The following DNAH14 variants were observed in gnomAD, a reference collection of about 807,000 sequenced individuals.
DNAH14 encodes the protein axonemal beta dynein heavy chain 14.
Under a neutral mutation model 520.9 loss-of-function variants are expected in DNAH14, and 478 were observed. The ratio of observed to expected loss-of-function variants is 0.92; its 90% CI spans 0.85 to 0.99. DNAH14 has a LOEUF of 0.99. Ranked by LOEUF, DNAH14 falls within the 50% of genes least tolerant of loss-of-function variation. The pLI, the probability that DNAH14 is intolerant of heterozygous loss-of-function variation, is 0.00. For synonymous variants in DNAH14, 1,581 were observed against 1,757.2 expected, an observed-to-expected ratio of 0.90 and a Z score of 2.51; for missense variants, 4,831 against 5,234.5, an observed-to-expected ratio of 0.92 and a Z score of 2.38.
chr1:225,191,359 A>G (rs1559238971), intron 37 of DNAH14, among the ~76,000 whole-genome samples: 1 of 151,936 alleles, frequency 6.6e-6, no homozygotes, highest in Admixed American at 6.6e-5. Flanking sequence ...CTTGGTTGAC[A>G]GTTTTGGTTT....
At chr1:225,324,853 C>A (rs1469901747) in intron 64 of DNAH14, 21 bp downstream of exon 64, 2 of 1,532,998 alleles carry the variant, frequency 1.3e-6, no homozygotes, top group Non-Finnish European at 1.8e-6. Context: ...CAGTTCAGTT[C>A]TCAAAATAAG....
Position 225,232,892 on chromosome 1 carries a change from C to G in DNAH14, c.6518+1741C>G, listed in dbSNP as rs984419565. 6.6e-6 allele frequency among the ~76,000 whole-genome samples: 1 copy of G among 152,134 alleles called. No homozygotes were observed. The highest frequency in any genetic ancestry group is 2.4e-5 in the African/African-American group (1 of 41,420). On this transcript the variant is annotated intron_variant, in intron 42 of 85. Transcript: ENST00000682510. The surrounding 1 kb of genome is among the most constrained non-coding windows in gnomAD (Gnocchi z 4.2). ...TGCCATGGTGGTTTGCTGCACAGAT[C>G]ATGCCATCACCTAGGTATTAAGCCC...
intron 10 of DNAH14, among the ~76,000 whole-genome samples, chr1:225,017,655 C>A (rs1354963089): frequency 6.6e-6 from 1 of 152,236 alleles, no homozygotes; most frequent in African/African-American, 2.4e-5. Context: ...GGTCACCCTG[C>A]AACCCCTAGC....
At chr1:225,098,630 A>T (rs1330683730) in intron 22 of DNAH14, among the ~76,000 whole-genome samples, 1 of 152,204 alleles carries the variant, frequency 6.6e-6, no homozygotes, top group African/African-American at 2.4e-5. Context: ...TATATTTCTT[A>T]TCATATGAAT....
intron 27 of DNAH14, 32 bp from the exon 28 acceptor site, chr1:225,140,736 G>A: frequency 7.4e-7 from 1 of 1,348,242 alleles, no homozygotes; most frequent in Non-Finnish European, 1.0e-6. Context: ...TATAGAGAGA[G>A]ATATATATAT....
chr1:225,366,068 G>T (rs983794377), intron 76 of DNAH14, among the ~76,000 whole-genome samples: 4 of 151,946 alleles, frequency 2.6e-5, no homozygotes, highest in Non-Finnish European at 5.9e-5. Context: ...GGACACAAGA[G>T]GTCAATAAAC....
In DNAH14 at chr1:225,233,000, C is replaced by G. The variant is rs1466106823; in HGVS notation, c.6518+1849C>G. On this transcript the variant is annotated intron_variant, in intron 42 of 85. Coordinates refer to ENST00000682510, the MANE Select transcript of DNAH14 (RefSeq NM_001367479.1). The surrounding 1 kb of genome is among the most constrained non-coding windows in gnomAD (Gnocchi z 4.2). ...TCCCCAGTGTGTGTTGTTCCCCTGC[C>G]CATGTGTCCATGTGTTCTCATCCTT... Among the ~76,000 whole-genome samples the G allele has an allele frequency of 6.6e-6, 1 of 152,114 alleles. No individual in the cohort carries two copies. The highest frequency in any genetic ancestry group is 1.5e-5 in the Non-Finnish European group (1 of 68,012).
intron 28 of DNAH14, among the ~76,000 whole-genome samples, chr1:225,142,032 T>G (rs777893580): frequency 8.5e-5 from 13 of 152,178 alleles, no homozygotes; most frequent in Non-Finnish European, 1.8e-4. Flanking sequence ...TTGACTATAT[T>G]TTATCTGAAT....
chr1:225,006,483 G>A (rs1473482961), intron 9 of DNAH14, among the ~76,000 whole-genome samples: 1 of 152,146 alleles, frequency 6.6e-6, no homozygotes, highest in African/African-American at 2.4e-5. Context: ...CCCTGGGAAG[G>A]GAATGCATTC....
chr1:225,387,236 A>G (rs1442580625), intron 81 of DNAH14, among the ~76,000 whole-genome samples: 1 of 149,404 alleles, frequency 6.7e-6, no homozygotes, highest in African/African-American at 2.5e-5. Context: ...GGGGCCTGTC[A>G]TGTGTGGGGG....
chr1:225,374,835 T>A lies in DNAH14; in HGVS notation c.12466T>A (p.Phe4156Ile). ...KRCLKTLLYK[F>I]CNPEVLKDDF... ...ATGCTTGAAGACCCTACTCTACAAA[T>A]TTTGTAATCCTGAAGTGCTGAAAGA... Residue 4156 changes from phenylalanine to isoleucine, a missense_variant, in exon 78 of 86, where the codon TTT (phenylalanine) becomes ATT (isoleucine). Phe to Ile is a conservative substitution (Grantham distance 21). Transcript: ENST00000682510. 1 of 1,551,326 alleles carries A rather than the reference T, an allele frequency of 6.4e-7. No individual in the cohort carries two copies. Among genetic ancestry groups the A allele is most frequent in the South Asian group, 1.2e-5 (1 of 84,026 alleles).
intron 84 of DNAH14, among the ~76,000 whole-genome samples, chr1:225,394,150 C>T (rs1390823824): frequency 2.6e-5 from 4 of 152,124 alleles, no homozygotes; most frequent in African/African-American, 9.7e-5. Context: ...TTTTAAATTG[C>T]ATTTCCTTGA....
At chr1:225,371,291 G>T (rs78937121) in intron 77 of DNAH14, among the ~76,000 whole-genome samples, 5,985 of 152,130 alleles carry the variant, frequency 0.039, 157 homozygotes, top group Middle Eastern at 0.068. Flanking sequence ...TTCCAGTAAT[G>T]CAAGAATGAC....
chr1:225,395,874 T>G (rs1237971882), intron 84 of DNAH14: 1 of 152,144 alleles, frequency 6.6e-6, no homozygotes, highest in East Asian at 1.9e-4. Context: ...CTCATCAGAC[T>G]GCACTAAGAT....
Position 225,194,989 on chromosome 1 carries a change from C to G in DNAH14, c.5886+2078C>G, listed in dbSNP as rs139942706. Among the ~76,000 whole-genome samples the G allele has an allele frequency of 7.1e-3, 1,085 of 152,114 alleles. 9 individuals carry two copies. The highest frequency in any genetic ancestry group is 0.024 in the African/African-American group (1,016 of 41,506). On this transcript the variant is annotated intron_variant, in intron 38 of 85. Coordinates refer to ENST00000682510, the MANE Select transcript of DNAH14 (RefSeq NM_001367479.1). ...TACCATCTCACACCAGTCAGAATGG[C>G]TATTACAAAAAGTTAAAAAATAACA...
At chr1:225,301,282 A>C (rs2094134555) in intron 56 of DNAH14, among the ~76,000 whole-genome samples, 1 of 152,176 alleles carries the variant, frequency 6.6e-6, no homozygotes, top group Admixed American at 6.5e-5. Context: ...TAAAATGAAA[A>C]ATAAAATCCC....
chr1:225,305,725 A>G (rs2094225670), intron 58 of DNAH14, among the ~76,000 whole-genome samples: 1 of 152,192 alleles, frequency 6.6e-6, no homozygotes, highest in Non-Finnish European at 1.5e-5. Flanking sequence ...TATAACCTAT[A>G]TGGAGACATG....
intron 43 of DNAH14, among the ~76,000 whole-genome samples, chr1:225,251,982 C>T (rs2092571374): frequency 6.6e-6 from 1 of 152,072 alleles, no homozygotes; most frequent in South Asian, 2.1e-4. Context: ...ATTGGTTTGA[C>T]CACAATCAAT....
At chr1:225,281,757 A>C (rs1207610825) in intron 54 of DNAH14, among the ~76,000 whole-genome samples, 1 of 152,194 alleles carries the variant, frequency 6.6e-6, no homozygotes, top group East Asian at 1.9e-4. Context: ...AAAACTGTCT[A>C]TATTTTACTG....
Sources: allele counts gnomAD v4.1 joint callset (sites outside exome capture counted in the v4.1 genomes callset), GRCh38; gene constraint gnomAD v4.1.1; non-coding constraint Gnocchi (gnomAD v3.1); transcripts MANE v1.5; gene names NCBI Gene and HGNC (gene_info 2026-07-23, HGNC 2026-07-21).